The following CAPZB variants were observed in gnomAD, a reference collection of about 807,000 sequenced individuals.
The protein encoded by CAPZB is capping actin protein of muscle Z-line subunit beta, also known as F-actin-capping protein subunit beta.
Under a neutral mutation model 38.1 loss-of-function variants are expected in CAPZB, and 2 were observed. That is an observed-to-expected ratio of 0.05 (90% CI 0.02 to 0.17). The LOEUF (loss-of-function observed/expected upper bound fraction) is 0.17, where lower values mean the gene tolerates loss of function less well. Ranked by LOEUF, CAPZB falls within the 10% of genes least tolerant of loss-of-function variation. The pLI is 1.00. For synonymous variants in CAPZB, 107 were observed against 127.4 expected (o/e 0.84, Z 1.08); for missense variants, 161 against 334.2 (o/e 0.48, Z 4.04).
chr1:19,363,890 C>T (rs2094068332), intron 4 of CAPZB, among the ~76,000 whole-genome samples: 1 of 152,230 alleles, frequency 6.6e-6, no homozygotes, highest in Non-Finnish European at 1.5e-5. Context: ...GTACATGCCA[C>T]ATGCCACAAG....
chr1:19,375,939 T>C (rs1022116170), intron 4 of CAPZB, among the ~76,000 whole-genome samples: 2 of 152,072 alleles, frequency 1.3e-5, no homozygotes, highest in Admixed American at 1.3e-4. Flanking sequence ...TAACAGGCCA[T>C]AAAAGCCCCT....
intron 1 of CAPZB, among the ~76,000 whole-genome samples, chr1:19,480,299 A>G (rs2094623067): frequency 6.6e-6 from 1 of 152,150 alleles, no homozygotes; most frequent in South Asian, 2.1e-4. Flanking sequence ...GAGTAAGTAC[A>G]TTACAAATTT....
chr1:19,396,166 T>A (rs552864503), intron 2 of CAPZB, among the ~76,000 whole-genome samples: 1 of 152,238 alleles, frequency 6.6e-6, no homozygotes, highest in African/African-American at 2.4e-5. Context: ...GTTTGTGACA[T>A]GCATGTGTCT....
intron 1 of CAPZB, among the ~76,000 whole-genome samples, chr1:19,480,183 C>G (rs1570384270): frequency 1.3e-5 from 2 of 152,114 alleles, no homozygotes; most frequent in African/African-American, 4.8e-5. Flanking sequence ...CTTGCCTCCC[C>G]CTCCCAGATT....
chr1:19,346,045 C>A (rs67559618), intron 6 of CAPZB, among the ~76,000 whole-genome samples: 22,927 of 152,096 alleles, frequency 0.15, 1,847 homozygotes, highest in East Asian at 0.23. Flanking sequence ...AGAAGGAATT[C>A]GGCACTTTCC....
intron 1 of CAPZB, among the ~76,000 whole-genome samples, chr1:19,432,042 CAAAAAAAA>C (rs10583269): frequency 6.0e-4 from 74 of 122,522 alleles, no homozygotes; most frequent in African/African-American, 1.4e-3. Context: ...GATCCTGTCT[CAAAAAAAA>C]AAAAAAAAAA....
At chr1:19,378,957 C>T (rs947444697) in intron 3 of CAPZB, among the ~76,000 whole-genome samples, 7 of 152,284 alleles carry the variant, frequency 4.6e-5, no homozygotes, top group Admixed American at 6.5e-5. Context: ...CTACTTGCTC[C>T]GCACACAGGG....
intron 2 of CAPZB, among the ~76,000 whole-genome samples, chr1:19,415,862 T>C (rs1021119759): frequency 3.9e-5 from 6 of 152,288 alleles, no homozygotes; most frequent in African/African-American, 1.4e-4. Flanking sequence ...ATAGTTTTAA[T>C]GAGGCATGCA....
At chr1:19,475,227 C>T (rs2094602839) in intron 1 of CAPZB, among the ~76,000 whole-genome samples, 1 of 152,210 alleles carries the variant, frequency 6.6e-6, no homozygotes, top group Admixed American at 6.5e-5. Context: ...TTTATGCTCA[C>T]CATTTCTTAG....
intron 2 of CAPZB, among the ~76,000 whole-genome samples, chr1:19,407,436 G>A (rs2100411189): frequency 6.6e-6 from 1 of 152,302 alleles, no homozygotes; most frequent in Non-Finnish European, 1.5e-5. Flanking sequence ...TCTCAAGCTG[G>A]GGAAAAGGGT....
chr1:19,383,591 C>A (rs1308781786), intron 3 of CAPZB, among the ~76,000 whole-genome samples: 1 of 152,148 alleles, frequency 6.6e-6, no homozygotes, highest in Non-Finnish European at 1.5e-5. Context: ...CATGCTGTGA[C>A]CAGCAGTTCC....
At chr1:19,470,217 G>A (rs893714735) in intron 1 of CAPZB, among the ~76,000 whole-genome samples, 20 of 150,660 alleles carry the variant, frequency 1.3e-4, no homozygotes, top group African/African-American at 3.7e-4. Context: ...AGACGCTGTC[G>A]CCAAAAAATA....
rs530077268 is a variant in CAPZB, at chr1:19,448,942, C to G, written c.4-29192G>C. 6.8e-6 allele frequency: 11 copies of G among 1,612,364 alleles called. No homozygotes were observed. In the East Asian group the frequency reaches 1.8e-4, roughly 26 times the overall value. On this transcript the variant is annotated intron_variant, in intron 1 of 8. Coordinates refer to ENST00000264202, the MANE Select transcript of CAPZB (RefSeq NM_004930.5). The stretch of plus-strand genomic sequence containing the variant: ...GAGGAGGTGATGGGTTAATAACAAT[C>G]GTTTTGCAGGCAGGGGAGGCGAGGG...
At chr1:19,397,367 C>G (rs750881878) in intron 2 of CAPZB, among the ~76,000 whole-genome samples, 16 of 152,204 alleles carry the variant, frequency 1.1e-4, no homozygotes, top group Non-Finnish European at 1.8e-4. Context: ...GTGTTATTAT[C>G]CCACATTACT....
intron 1 of CAPZB, among the ~76,000 whole-genome samples, chr1:19,454,672 C>T (rs1248990451): frequency 6.6e-6 from 1 of 152,158 alleles, no homozygotes; most frequent in Non-Finnish European, 1.5e-5. Flanking sequence ...AGTGCAAGCT[C>T]GCAGTCTGTA....
chr1:19,413,030 C>T (rs2094363914), intron 2 of CAPZB, among the ~76,000 whole-genome samples: 1 of 152,204 alleles, frequency 6.6e-6, no homozygotes, highest in South Asian at 2.1e-4. Flanking sequence ...GTGTCTGGTG[C>T]ATGGATGGTG....
chr1:19,363,259 A>ATTTTTTT (rs1558186990), intron 4 of CAPZB, among the ~76,000 whole-genome samples: 9 of 83,604 alleles, frequency 1.1e-4, no homozygotes, highest in East Asian at 1.0e-3. Flanking sequence ...TTAAAAAAAA[A>ATTTTTTT]ATTTTTTTTT....
At chr1:19,368,246 G>A (rs530570539) in intron 4 of CAPZB, among the ~76,000 whole-genome samples, 140 of 152,232 alleles carry the variant, frequency 9.2e-4, no homozygotes, top group African/African-American at 3.0e-3. Flanking sequence ...ATCCTGAGAC[G>A]TGCCAGCTGT....
chr1:19,449,372 C>A, intron 1 of CAPZB: 1 of 1,008,932 alleles, frequency 9.9e-7, no homozygotes, highest in African/African-American at 1.7e-5. Flanking sequence ...CAGACCTTGT[C>A]TCTATGCCAT....
Sources: allele counts gnomAD v4.1 joint callset (sites outside exome capture counted in the v4.1 genomes callset), GRCh38; gene constraint gnomAD v4.1.1; transcripts MANE v1.5; gene names NCBI Gene and HGNC (gene_info 2026-07-23, HGNC 2026-07-21).